ASGR2: variants seen among roughly 807,000 people sequenced by gnomAD.
The protein encoded by ASGR2 is asialoglycoprotein receptor 2.
In ASGR2, 34 loss-of-function variants were observed where a neutral mutation model predicts 32.3. That is an observed-to-expected ratio of 1.05 (90% CI 0.80 to 1.40). ASGR2 has a LOEUF of 1.40. Among genes scored for constraint, ASGR2 ranks in the 40% most tolerant of loss-of-function variants. The pLI is 0.00. For synonymous variants in ASGR2, 143 were observed against 150.0 expected, an observed-to-expected ratio of 0.95 and a Z score of 0.34; for missense variants, 385 against 386.4, an observed-to-expected ratio of 1.00 and a Z score of 0.03.
At chr17:7,104,206 G>C (rs1913273180) in intron 7 of ASGR2, among the ~76,000 whole-genome samples, 2 of 152,114 alleles carry the variant, frequency 1.3e-5, no homozygotes, top group African/African-American at 4.8e-5. Flanking sequence ...AAATTAGCCA[G>C]GCGTGTTGGC....
At chr17:7,111,743 G>A (rs1432984926) in intron 2 of ASGR2, among the ~76,000 whole-genome samples, 1 of 151,420 alleles carries the variant, frequency 6.6e-6, no homozygotes, top group East Asian at 2.0e-4. Flanking sequence ...AAAATTTAGG[G>A]CCAGGCACTG....
rs373817872 is a variant in ASGR2 at position 7,107,312 on chromosome 17, C to T, written c.415G>A (p.Asp139Asn). 39 of 1,612,888 alleles carry T rather than the reference C, an allele frequency of 2.4e-5. No homozygotes were observed. The African/African-American group carries it at 4.9e-4, about 20-fold the overall frequency. ...TGCTTCAGATGGAAGAGCAGGGCAT[C>T]GTGATCTAGGACAGACAGGCTGAAA... The part of the protein sequence containing the change: ...KQQQDLKADH[D>N]ALLFHLKHFP... Residue 139 changes from aspartate (D) to asparagine (N), a missense_variant, in exon 6 of 9, where the codon GAT (aspartate) becomes AAT (asparagine). Asp to Asn is a conservative substitution (Grantham distance 23). Transcript: ENST00000691900. This position sits in a 1 kb window ranked among gnomAD's most constrained non-coding sequence, Gnocchi z 5.0.
chr17:7,102,145 C>CCGTG lies in ASGR2; in HGVS notation c.696_699dup (p.Asp234HisfsTer4), dbSNP rs1912924962. The CCGTG allele has an allele frequency of 6.2e-7, 1 of 1,614,080 alleles. No individual in the cohort carries two copies. Among genetic ancestry groups the CCGTG allele is most frequent in the South Asian group, 1.1e-5 (1 of 91,088 alleles). The stretch of plus-strand genomic sequence containing the variant: ...ACCCATTTCCAAGAGCCATCACTGT[C>CCGTG]CGTGAGACCTATCCAGGTATTGAAG... On this transcript the variant is annotated frameshift_variant, in exon 8 of 9. Transcript: ENST00000691900. LOFTEE classifies it high-confidence loss of function.
chr17:7,114,532 C>G lies in ASGR2; in HGVS notation c.-71+83G>C. On this transcript the variant is annotated intron_variant, in intron 1 of 8. Transcript: ENST00000691900. This position sits in a 1 kb window ranked among gnomAD's most constrained non-coding sequence, Gnocchi z 4.5. ...CATGGACCCGACCACCCACAGCTTC[C>G]CATGGGGTCCTCCCCATCCCTGAAC... 1 of 1,204,324 alleles carries G rather than the reference C, an allele frequency of 8.3e-7. No homozygotes were observed. The highest frequency in any genetic ancestry group is 2.2e-5 in the South Asian group (1 of 46,016). The allele number at this position is 1,204,324 out of a possible 1,614,324, so 74.6% of individuals were successfully genotyped here.
At chr17:7,106,670 G>A (rs940908536) in intron 7 of ASGR2, among the ~76,000 whole-genome samples, 1 of 152,116 alleles carries the variant, frequency 6.6e-6, no homozygotes, top group Admixed American at 6.5e-5. Flanking sequence ...TTGGGAGGCG[G>A]AGGTGGGCGG....
chr17:7,111,109 T>C (rs139419487), intron 2 of ASGR2, among the ~76,000 whole-genome samples: 6 of 152,328 alleles, frequency 3.9e-5, no homozygotes, highest in African/African-American at 9.6e-5. Context: ...CAAGGTGAAA[T>C]TGACAATGTC....
chr17:7,103,155 G>GA (rs1389088090), intron 7 of ASGR2, among the ~76,000 whole-genome samples: 12 of 152,176 alleles, frequency 7.9e-5, no homozygotes, highest in African/African-American at 2.9e-4. Context: ...TGACAGCCTG[G>GA]AATTTTCCTT....
chr17:7,107,725 A>G lies in ASGR2; in HGVS notation c.409+111T>C, dbSNP rs537924654. 16 of 1,257,238 alleles carry G rather than the reference A, an allele frequency of 1.3e-5. No individual in the cohort carries two copies. The highest frequency in any genetic ancestry group is 3.0e-5 in the African/African-American group (2 of 67,770). The allele number at this position is 1,257,238 out of a possible 1,614,324, so 77.9% of individuals were successfully genotyped here. On this transcript the variant is annotated intron_variant, in intron 5 of 8. Coordinates refer to ENST00000691900, the MANE Select transcript of ASGR2 (RefSeq NM_001201352.2). The surrounding 1 kb of genome is among the most constrained non-coding windows in gnomAD (Gnocchi z 5.0). ...CAGATACACATGCTTGCAGGCACACACACGCACGCACGCACACGTGCACAC... is the reference window on the plus strand; with the variant it reads ...CAGATACACATGCTTGCAGGCACACGCACGCACGCACGCACACGTGCACAC...
intron 7 of ASGR2, among the ~76,000 whole-genome samples, chr17:7,105,218 A>G: frequency 6.6e-6 from 1 of 152,174 alleles, no homozygotes; most frequent in East Asian, 1.9e-4. Context: ...GAAGAAAACA[A>G]AAAGAACACC....
rs1915025805 is a variant in ASGR2, at chr17:7,113,520, CACA to C, written c.124+594_124+596del. On this transcript the variant is annotated intron_variant, in intron 2 of 8. Coordinates refer to ENST00000691900, the MANE Select transcript of ASGR2 (RefSeq NM_001201352.2). The surrounding 1 kb of genome is among the most constrained non-coding windows in gnomAD (Gnocchi z 5.1). ...ACACAACATACACAACGTACACACA[CACA>C]ACATACACACACTCATACACAACAT... Among the ~76,000 whole-genome samples, 1 of 132,312 alleles carries C rather than the reference CACA, an allele frequency of 7.6e-6. No homozygotes were observed. Among genetic ancestry groups the C allele is most frequent in the Admixed American group, 7.8e-5 (1 of 12,866 alleles). The allele number at this position is 132,312 out of a possible 152,430, so 86.8% of individuals were successfully genotyped here. A position where few individuals can be genotyped will look rare whatever the true frequency, so the allele number is the denominator to read the frequency against.
rs1821772774 is a variant in ASGR2, at chr17:7,113,670, C to T, written c.124+447G>A. Among the ~76,000 whole-genome samples, 3 of 151,872 alleles carry T rather than the reference C, an allele frequency of 2.0e-5. No individual in the cohort carries two copies. Among genetic ancestry groups the T allele is most frequent in the South Asian group, 4.2e-4 (2 of 4,806 alleles). ...AACATACACTCACACACAAGATACA[C>T]ACAACATATACTCACACAACATACA... On this transcript the variant is annotated intron_variant, in intron 2 of 8. Coordinates refer to ENST00000691900, the MANE Select transcript of ASGR2 (RefSeq NM_001201352.2). The surrounding 1 kb of genome is among the most constrained non-coding windows in gnomAD (Gnocchi z 5.1).
In ASGR2 at chr17:7,107,430, C is replaced by T; in HGVS notation, c.410-113G>A. 2 of 991,478 alleles carry T rather than the reference C, an allele frequency of 2.0e-6. No homozygotes were observed. The highest frequency in any genetic ancestry group is 2.9e-5 in the South Asian group (2 of 69,222). The allele number at this position is 991,478 out of a possible 1,614,324, so 61.4% of individuals were successfully genotyped here. On this transcript the variant is annotated intron_variant, in intron 5 of 8. Transcript: ENST00000691900. The surrounding 1 kb of genome is among the most constrained non-coding windows in gnomAD (Gnocchi z 5.0). ...ACAGACACGTACACCATGCATAGAC[C>T]ACACCACACACCATACCACACACAC... is the stretch of plus-strand genomic sequence containing the variant.
chr17:7,112,083 AGGGGG>A (rs1914757024), intron 2 of ASGR2, among the ~76,000 whole-genome samples: 1 of 43,322 alleles, frequency 2.3e-5, no homozygotes, highest in Non-Finnish European at 4.3e-5. Context: ...AGGGGAGGGG[AGGGGG>A]AGGGGAAGGG....
chr17:7,112,725 C>T (rs1914873224), intron 2 of ASGR2, among the ~76,000 whole-genome samples: 1 of 152,088 alleles, frequency 6.6e-6, no homozygotes, highest in Non-Finnish European at 1.5e-5. Flanking sequence ...TGTCCCCTGC[C>T]CTGCCCTGCC....
chr17:7,110,999 T>TTA (rs1914549882), intron 2 of ASGR2, among the ~76,000 whole-genome samples: 1 of 152,174 alleles, frequency 6.6e-6, no homozygotes, highest in Non-Finnish European at 1.5e-5. Flanking sequence ...ACCAAAACAA[T>TTA]TAAGAGTTCA....
In ASGR2 at chr17:7,111,460, T is replaced by C. The variant is rs540383755; in HGVS notation, c.125-2572A>G. Among the ~76,000 whole-genome samples the C allele has an allele frequency of 3.3e-5, 5 of 151,592 alleles. No individual in the cohort carries two copies. The East Asian group carries it at 5.9e-4, about 18-fold the overall frequency. On this transcript the variant is annotated intron_variant, in intron 2 of 8. Coordinates refer to ENST00000691900, the MANE Select transcript of ASGR2 (RefSeq NM_001201352.2). The stretch of plus-strand genomic sequence containing the variant: ...TCATGAGGTCAGGAGATCGACACCA[T>C]CCTGGCTAACATGGTGAAACCCCAT...
chr17:7,109,572 T>C (rs1197638083), intron 2 of ASGR2, among the ~76,000 whole-genome samples: 2 of 151,310 alleles, frequency 1.3e-5, no homozygotes, highest in African/African-American at 4.9e-5. Context: ...AGAAACCTCG[T>C]TCCACACTAA....
chr17:7,111,630 T>C (rs1212061190), intron 2 of ASGR2, among the ~76,000 whole-genome samples: 1 of 141,018 alleles, frequency 7.1e-6, no homozygotes. Context: ...CACTCCGGCC[T>C]GGGCAACAGA....
Position 7,107,464 on chromosome 17 carries a change from C to T in ASGR2, c.410-147G>A, listed in dbSNP as rs1160725209. The T allele has an allele frequency of 5.1e-6, 4 of 784,292 alleles. No individual in the cohort carries two copies. The highest frequency in any genetic ancestry group is 3.4e-5 in the African/African-American group (2 of 58,606). 48.6% of individuals were successfully genotyped at this position (784,292 alleles called of 1,614,324 possible). A position where few individuals can be genotyped will look rare whatever the true frequency, so the allele number is the denominator to read the frequency against. ...CACCATACCACACACACACCACAGA[C>T]ATGTACACCACACATAGACCACACC... is the stretch of plus-strand genomic sequence containing the variant. On this transcript the variant is annotated intron_variant, in intron 5 of 8. Coordinates refer to ENST00000691900, the MANE Select transcript of ASGR2 (RefSeq NM_001201352.2). The surrounding 1 kb of genome is among the most constrained non-coding windows in gnomAD (Gnocchi z 5.0).
Sources: allele counts gnomAD v4.1 joint callset (sites outside exome capture counted in the v4.1 genomes callset), GRCh38; gene constraint gnomAD v4.1.1; non-coding constraint Gnocchi (gnomAD v3.1); transcripts MANE v1.5; gene names NCBI Gene and HGNC (gene_info 2026-07-23, HGNC 2026-07-21).